STAG3: variants seen among roughly 807,000 people sequenced by gnomAD.
STAG3 encodes the protein cohesin subunit SA-3.
A neutral mutation model predicts 160.7 loss-of-function variants in STAG3; 101 were observed. The observed-to-expected ratio is 0.63, with a 90% CI of 0.54 to 0.74. The LOEUF is 0.74. Ranked by LOEUF, STAG3 falls within the 30% of genes least tolerant of loss-of-function variation. The probability of loss-of-function intolerance (pLI) is 0.00; values close to 1 mark genes in which losing one functional copy is unlikely to be tolerated. For missense variants in STAG3, 1,188 were observed against 1,517.4 expected (o/e 0.78, Z 3.61); for synonymous variants, 519 against 585.0 (o/e 0.89, Z 1.63).
At chr7:100,200,572 G>T in intron 18 of STAG3, 30 bp downstream of exon 18, 1 of 1,610,546 alleles carries the variant, frequency 6.2e-7, no homozygotes, top group Non-Finnish European at 8.5e-7. Flanking sequence ...ATACCTTGCT[G>T]CTTGCCTGCC....
chr7:100,186,140 T>C, intron 4 of STAG3, 60 bp from the exon 5 acceptor site: 2 of 1,328,130 alleles, frequency 1.5e-6, no homozygotes, highest in South Asian at 1.2e-5. Context: ...GAAGATCATA[T>C]AGGATTTCTA....
intron 10 of STAG3, chr7:100,197,549 G>T: frequency 1.6e-6 from 1 of 635,870 alleles, no homozygotes. Flanking sequence ...GGTAATGCAG[G>T]TGCTAAGGGG....
chr7:100,199,222 A>G (rs1800905128), intron 14 of STAG3, 40 bp from the exon 15 acceptor site: 2 of 1,369,850 alleles, frequency 1.5e-6, no homozygotes, highest in African/African-American at 2.9e-5. Context: ...GGGTATTTTT[A>G]ACATGCTATC....
At position 100,200,313 on chromosome 7, in the gene STAG3, C is replaced by T. The variant is rs371849172; in HGVS notation, c.1755C>T (p.Pro585=). ...KLTEHLIPLL[P]QLLAKFSADA... is the part of the protein sequence containing the mutation. ...CTGAGCACCTCATCCCCCTGCTGCC[C>T]CAGCTCCTGGCCAAGGTACCGCTGC... Residue 585 remains proline (P), a synonymous_variant, in exon 17 of 34, where the codon CCC becomes CCT. Coordinates refer to ENST00000615138, the MANE Select transcript of STAG3 (RefSeq NM_001282717.2). 7.4e-6 allele frequency: 12 copies of T among 1,613,768 alleles called. No individual in the cohort carries two copies. The African/African-American group carries it at 1.5e-4, about 20-fold the overall frequency.
In STAG3 at chr7:100,189,009, C is replaced by G; in HGVS notation, c.708C>G (p.Thr236=). The G allele has an allele frequency of 6.2e-7, 1 of 1,614,142 alleles. No homozygotes were observed. Among genetic ancestry groups the G allele is most frequent in the Non-Finnish European group, 8.5e-7 (1 of 1,180,010 alleles). Residue 236 remains threonine (T), a synonymous_variant, in exon 7 of 34, where the codon ACC becomes ACG. Coordinates refer to ENST00000615138, the MANE Select transcript of STAG3 (RefSeq NM_001282717.2). ...TCCGCGCCTTCCGTCACACTAGCAC[C>G]CTGGCTGGTGAGCATTCATTTTTAC... ...SQVRAFRHTS[T]LAAMKLMTSL...
At chr7:100,198,249 C>T (rs1159417433) in intron 12 of STAG3, 83 bp downstream of exon 12, 3 of 1,389,630 alleles carry the variant, frequency 2.2e-6, no homozygotes, top group African/African-American at 1.4e-5. Context: ...ATAGCTGACT[C>T]TTCCATCTGT....
At chr7:100,179,450 A>G (rs987439496) in intron 1 of STAG3, among the ~76,000 whole-genome samples, 5 of 151,348 alleles carry the variant, frequency 3.3e-5, no homozygotes, top group African/African-American at 9.7e-5. Context: ...GTCTTGAACT[A>G]CTGGGCTCAA....
At chr7:100,211,394 C>A in intron 30 of STAG3, 41 bp from the exon 31 acceptor site, 1 of 1,601,554 alleles carries the variant, frequency 6.2e-7, no homozygotes, top group South Asian at 1.1e-5. Context: ...CTCTTCTTAC[C>A]CTTGATTTTT....
chr7:100,191,760 A>G (rs1800357428), intron 8 of STAG3, among the ~76,000 whole-genome samples: 1 of 152,220 alleles, frequency 6.6e-6, no homozygotes, highest in Non-Finnish European at 1.5e-5. Flanking sequence ...AGTTTGCTGC[A>G]TCTACTGACT....
chr7:100,183,079 T>A (rs1799757375), intron 4 of STAG3, among the ~76,000 whole-genome samples: 1 of 151,950 alleles, frequency 6.6e-6, no homozygotes, highest in South Asian at 2.1e-4. Flanking sequence ...AGTGGCACAG[T>A]CTTGGCTCAC....
At chr7:100,180,776 C>G in intron 2 of STAG3, 104 bp downstream of exon 2, 3 of 762,282 alleles carry the variant, frequency 3.9e-6, no homozygotes, top group Non-Finnish European at 7.0e-6. Context: ...GTGAAAACAC[C>G]AGAAGTGCTA....
intron 16 of STAG3, 67 bp downstream of exon 16, chr7:100,199,711 T>A (rs1268737785): frequency 2.4e-6 from 3 of 1,261,030 alleles, no homozygotes; most frequent in Non-Finnish European, 3.3e-6. Context: ...TGCATCCTTA[T>A]CCCCCAGGCT....
Position 100,188,473 on chromosome 7 carries a change from T to C in STAG3, c.454T>C (p.Phe152Leu), listed in dbSNP as rs761072993. ...GCKGIVTPEM[F>L]KKMSNSEIIQ... ...TTTAGGCATTGTGACCCCTGAGATG[T>C]TCAAGAAGATGTCCAACTCAGAGAT... The change falls in exon 6 of 34, where the codon TTC becomes CTC. Residue 152 changes from phenylalanine to leucine, a missense_variant. Coordinates refer to ENST00000615138, the MANE Select transcript of STAG3 (RefSeq NM_001282717.2). The C allele has an allele frequency of 6.2e-7, 1 of 1,613,358 alleles. No homozygotes were observed. The highest frequency in any genetic ancestry group is 8.5e-7 in the Non-Finnish European group (1 of 1,179,264).
At chr7:100,216,659 G>T (rs1802775766), downstream of STAG3, among the ~76,000 whole-genome samples, 1 of 152,038 alleles carries the variant, frequency 6.6e-6, no homozygotes, top group Non-Finnish European at 1.5e-5. Flanking sequence ...AAATTAGCTG[G>T]GTGTGGTGGC....
At position 100,201,123 on chromosome 7, in the gene STAG3, C is replaced by G. The variant is rs200378043; in HGVS notation, c.2095C>G (p.Leu699Val). ...SFLDEDEVYN[L>V]AATLKRLSAF... Reference sequence around the variant, plus strand: ...CCTAGATGAGGATGAGGTATATAATCTGGCAGCCACTCTGAAACGCCTCTC... The same window carrying G: ...CCTAGATGAGGATGAGGTATATAATGTGGCAGCCACTCTGAAACGCCTCTC... The change falls in exon 20 of 34, where the codon CTG (leucine) becomes GTG (valine). Residue 699 changes from leucine (L) to valine (V), a missense_variant. Leu to Val is a conservative substitution (Grantham distance 32). This residue lies in a region of STAG3 where 647 missense variants were observed against 717.2 expected (regional missense o/e 0.90). Coordinates refer to ENST00000615138, the MANE Select transcript of STAG3 (RefSeq NM_001282717.2). 1.9e-6 allele frequency: 3 copies of G among 1,614,122 alleles called. No individual in the cohort carries two copies. Among genetic ancestry groups the G allele is most frequent in the Non-Finnish European group, 2.5e-6 (3 of 1,180,060 alleles).
chr7:100,183,170 C>G (rs1169175956), intron 4 of STAG3, among the ~76,000 whole-genome samples: 1 of 152,150 alleles, frequency 6.6e-6, no homozygotes, highest in African/African-American at 2.4e-5. Context: ...TGTGCCACCA[C>G]GCCCAGCTAC....
chr7:100,199,819 G>A (rs1463339497), intron 16 of STAG3, among the ~76,000 whole-genome samples, 175 bp downstream of exon 16: 3 of 151,796 alleles, frequency 2.0e-5, no homozygotes, highest in Non-Finnish European at 4.4e-5. Context: ...ACTTTGGGAG[G>A]CTGAGGCAGG....
Position 100,205,355 on chromosome 7 carries a change from TC to T in STAG3, c.3213del (p.Ser1072AlafsTer28). ...ENTAETSPQV[L>X]PSSKRRRVEG... ...ACAGCAGAGACCAGCCCTCAGGTCCTCCCCAGCTCCAAGAGGAGGCGCGTTG... is the reference window on the plus strand; with the variant it reads ...ACAGCAGAGACCAGCCCTCAGGTCCTCCCAGCTCCAAGAGGAGGCGCGTTG... On this transcript the variant is annotated frameshift_variant, in exon 29 of 34. Transcript: ENST00000615138. LOFTEE classifies it high-confidence loss of function. 6.2e-7 allele frequency: 1 copy of T among 1,613,858 alleles called. No individual in the cohort carries two copies. Among genetic ancestry groups the T allele is most frequent in the East Asian group, 2.2e-5 (1 of 44,870 alleles).
At chr7:100,187,324 G>C (rs2117131210) in intron 5 of STAG3, among the ~76,000 whole-genome samples, 1 of 149,442 alleles carries the variant, frequency 6.7e-6, no homozygotes, top group Non-Finnish European at 1.5e-5. Context: ...CGCCTGGCCT[G>C]TTTTTTGGTT....
Sources: gnomAD v4.1 joint callset for allele counts (sites outside exome capture counted in the v4.1 genomes callset) on GRCh38, gnomAD v4.1.1 for gene constraint, gnomAD v4.1.1 regional missense constraint, MANE v1.5 for transcripts, NCBI Gene and HGNC (gene_info 2026-07-23, HGNC 2026-07-21) for gene names.